The following PCDHA1 variants were observed in gnomAD, a reference collection of about 807,000 sequenced individuals.
PCDHA1 encodes protocadherin alpha-1.
In PCDHA1, 42 loss-of-function variants were observed where a neutral mutation model predicts 61.3. That is an observed-to-expected ratio of 0.69 (90% CI 0.54 to 0.89). PCDHA1 has a LOEUF of 0.89. PCDHA1 is among the 40% of genes least tolerant of loss of function. The pLI, the probability that PCDHA1 is intolerant of heterozygous loss-of-function variation, is 0.00. For missense variants in PCDHA1, 1,256 were observed against 1,235.3 expected (o/e 1.02, Z -0.25); for synonymous variants, 610 against 553.8 (o/e 1.10, Z -1.43).
chr5:140,795,169 A>G (rs1292084700), intron 1 of PCDHA1: 8 of 1,614,032 alleles, frequency 5.0e-6, no homozygotes, highest in Non-Finnish European at 6.8e-6. Context: ...GGTGGCGTCC[A>G]AAAGACACGG....
At chr5:140,876,309 TG>T (rs782243460) in intron 1 of PCDHA1, 8 of 1,613,946 alleles carry the variant, frequency 5.0e-6, no homozygotes, top group Non-Finnish European at 6.8e-6. Flanking sequence ...AAATTTCCTA[TG>T]GGATCAAAAT....
rs1340886726 is a variant in PCDHA1, at chr5:140,874,290, G to A, written c.2394+85606G>A. Among the ~76,000 whole-genome samples, 3 of 152,146 alleles carry A rather than the reference G, an allele frequency of 2.0e-5. No homozygotes were observed. The East Asian group carries it at 5.8e-4, about 29-fold the overall frequency. On this transcript the variant is annotated intron_variant, in intron 1 of 3. Transcript: ENST00000504120. ...GTATTAATAGACTTACAAAATCTAT[G>A]TGTACTTGTTCACAATGAGTTGTAG...
At chr5:140,910,137 T>A (rs2074898699) in intron 1 of PCDHA1, among the ~76,000 whole-genome samples, 1 of 152,232 alleles carries the variant, frequency 6.6e-6, no homozygotes, top group Non-Finnish European at 1.5e-5. Flanking sequence ...CTGGTTTAAG[T>A]CTGGAAATTG....
chr5:140,805,556 G>C (rs1763591280), intron 1 of PCDHA1: 5 of 977,096 alleles, frequency 5.1e-6, no homozygotes, highest in Non-Finnish European at 4.9e-6. Flanking sequence ...GGATATAGGA[G>C]GCAAGGAAAG....
chr5:140,807,618 A>G (rs1177804428), intron 1 of PCDHA1: 1 of 1,614,184 alleles, frequency 6.2e-7, no homozygotes, highest in Admixed American at 1.7e-5. Context: ...TCCATCGCGG[A>G]ATCCAGGCCG....
intron 1 of PCDHA1, chr5:140,882,139 A>G (rs1185324508): frequency 6.0e-6 from 9 of 1,489,890 alleles, no homozygotes; most frequent in South Asian, 4.2e-5. Context: ...TGCAGAAAAT[A>G]TAGCAGAAAG....
At position 140,978,454 on chromosome 5, in the gene PCDHA1, C is replaced by T. The variant is rs980177257; in HGVS notation, c.2395-495C>T. Among the ~76,000 whole-genome samples, 5 of 152,314 alleles carry T rather than the reference C, an allele frequency of 3.3e-5. No individual in the cohort carries two copies. The South Asian group carries it at 8.3e-4, about 25-fold the overall frequency. ...TGCTGGTGTTATGACTGGGCACATC[C>T]GCCCTGGGTCAAATATGCTGCAGTC... On this transcript the variant is annotated intron_variant, in intron 1 of 3. Coordinates refer to ENST00000504120, the MANE Select transcript of PCDHA1 (RefSeq NM_018900.4).
At chr5:140,808,086 G>C in intron 1 of PCDHA1, 1 of 1,613,968 alleles carries the variant, frequency 6.2e-7, no homozygotes, top group African/African-American at 1.3e-5. Context: ...CCAATTACTG[G>C]ACAAATTATT....
In PCDHA1 at chr5:140,857,614, G is replaced by A. The variant is rs1554150351; in HGVS notation, c.2394+68930G>A. ...GCAAGGTGTACGCGCTGCAGCCGCT[G>A]GACCACGAGGAGCTGGAGCTGCTAC... On this transcript the variant is annotated intron_variant, in intron 1 of 3. Transcript: ENST00000504120. 4 of 1,596,618 alleles carry A rather than the reference G, an allele frequency of 2.5e-6. 1 individual carries two copies. Among genetic ancestry groups the A allele is most frequent in the South Asian group, 1.1e-5 (1 of 90,494 alleles).
intron 1 of PCDHA1, among the ~76,000 whole-genome samples, chr5:140,950,920 T>TTTCTGCTACTTTTAACTG (rs1554219690): frequency 2.6e-5 from 4 of 152,202 alleles, no homozygotes; most frequent in African/African-American, 9.6e-5. Context: ...TTATTTCAGT[T>TTTCTGCTACTTTTAACTG]CTTTTTCTTT....
Position 140,793,187 on chromosome 5 carries a change from C to T in PCDHA1, c.2394+4503C>T, listed in dbSNP as rs570551589. On this transcript the variant is annotated intron_variant, in intron 1 of 3. Transcript: ENST00000504120. Reference sequence around the variant, plus strand: ...CTAGAAAGCTACTTTGGCCATTTTGCCAGCAGATGGGAAAAGTCTATCTGA... The same window carrying T: ...CTAGAAAGCTACTTTGGCCATTTTGTCAGCAGATGGGAAAAGTCTATCTGA... Among the ~76,000 whole-genome samples, 5 of 152,210 alleles carry T rather than the reference C, an allele frequency of 3.3e-5. No individual in the cohort carries two copies. The East Asian group carries it at 9.7e-4, about 29-fold the overall frequency.
intron 1 of PCDHA1, among the ~76,000 whole-genome samples, chr5:140,881,835 G>A (rs1048266615): frequency 2.6e-5 from 4 of 152,124 alleles, no homozygotes; most frequent in Non-Finnish European, 5.9e-5. Context: ...AGTTCTGCAT[G>A]GAATTCTTAC....
At chr5:140,796,898 A>G in intron 1 of PCDHA1, 2 of 1,613,914 alleles carry the variant, frequency 1.2e-6, no homozygotes, top group Non-Finnish European at 1.7e-6. Context: ...TCCCCTCGAC[A>G]CCGCCTACTC....
intron 1 of PCDHA1, chr5:140,807,164 A>C (rs1554123761): frequency 3.8e-6 from 6 of 1,595,068 alleles, no homozygotes. Flanking sequence ...ATATTTAATC[A>C]GAACAAAATA....
At chr5:140,806,918 A>C (rs781836191) in intron 1 of PCDHA1, 2 of 501,988 alleles carry the variant, frequency 4.0e-6, no homozygotes, top group Non-Finnish European at 7.0e-6. Flanking sequence ...TGAAATAATA[A>C]ATAAAACCAA....
At position 140,799,322 on chromosome 5, in the gene PCDHA1, T is replaced by C. The variant is rs545240940; in HGVS notation, c.2394+10638T>C. 1.4e-4 allele frequency among the ~76,000 whole-genome samples: 21 copies of C among 152,264 alleles called. No homozygotes were observed. The South Asian group carries it at 4.3e-3, about 32-fold the overall frequency. On this transcript the variant is annotated intron_variant, in intron 1 of 3. Coordinates refer to ENST00000504120, the MANE Select transcript of PCDHA1 (RefSeq NM_018900.4). ...CAATTAGTATAACTCTTAAAGGTAC[T>C]GAAAAGTGCAGTATTACAATAAGTT...
At chr5:141,000,379 C>G (rs1286955585) in intron 3 of PCDHA1, among the ~76,000 whole-genome samples, 6 of 60,366 alleles carry the variant, frequency 9.9e-5, no homozygotes, top group South Asian at 5.4e-4. Context: ...CTCTCTCTCT[C>G]TCTCTCTCTC....
chr5:140,893,853 G>C (rs1395145943), intron 1 of PCDHA1, among the ~76,000 whole-genome samples: 1 of 152,050 alleles, frequency 6.6e-6, no homozygotes. Context: ...CCTACCTCTT[G>C]TATAGAAACA....
chr5:141,003,574 A>C (rs559561339), intron 3 of PCDHA1, among the ~76,000 whole-genome samples: 9 of 151,680 alleles, frequency 5.9e-5, no homozygotes, highest in African/African-American at 2.2e-4. Context: ...CAGACTCCCA[A>C]AGTGCTGGGA....
Sources: gnomAD v4.1 joint callset for allele counts (sites outside exome capture counted in the v4.1 genomes callset) on GRCh38, gnomAD v4.1.1 for gene constraint, MANE v1.5 for transcripts, NCBI Gene and HGNC (gene_info 2026-07-23, HGNC 2026-07-21) for gene names.